The following ADGRL4 variants were observed in gnomAD, a reference collection of about 807,000 sequenced individuals.
ADGRL4 encodes the protein EGF, latrophilin and seven transmembrane domain containing 1.
Under a neutral mutation model 74.8 loss-of-function variants are expected in ADGRL4, and 90 were observed. The observed-to-expected ratio is 1.20, with a 90% CI of 1.02 to 1.43. The LOEUF (loss-of-function observed/expected upper bound fraction) is 1.43, where lower values mean the gene tolerates loss of function less well. Among genes scored for constraint, ADGRL4 ranks in the 40% most tolerant of loss-of-function variants. The pLI, the probability that ADGRL4 is intolerant of heterozygous loss-of-function variation, is 0.00. For synonymous variants in ADGRL4, 311 were observed against 279.2 expected (o/e 1.11, Z -1.14); for missense variants, 881 against 814.3 (o/e 1.08, Z -1.00).
chr1:78,917,611 A>G (rs762519995), intron 12 of ADGRL4, 23 bp downstream of exon 12: 16 of 1,463,628 alleles, frequency 1.1e-5, no homozygotes, highest in Middle Eastern at 2.4e-4. Flanking sequence ...TTGAATTGTA[A>G]TAACAATTTT....
At chr1:78,945,846 A>G in intron 3 of ADGRL4, among the ~76,000 whole-genome samples, 1 of 152,192 alleles carries the variant, frequency 6.6e-6, no homozygotes, top group East Asian at 1.9e-4. Flanking sequence ...TATTTTATAA[A>G]TGATGATTGT....
intron 12 of ADGRL4, among the ~76,000 whole-genome samples, chr1:78,893,579 G>A (rs1648333845): frequency 6.6e-6 from 1 of 151,746 alleles, no homozygotes; most frequent in African/African-American, 2.4e-5. Flanking sequence ...AATTTAGACT[G>A]GAAAAGAAAA....
chr1:78,905,256 T>C (rs1648610879), intron 12 of ADGRL4, among the ~76,000 whole-genome samples: 2 of 152,066 alleles, frequency 1.3e-5, no homozygotes, highest in East Asian at 1.9e-4. Flanking sequence ...TTCTCTGGGG[T>C]AGAATTGTAA....
In ADGRL4 at chr1:78,890,546, G is replaced by A. The variant is rs553702239; in HGVS notation, c.*608C>T. Reference sequence around the variant, plus strand: ...AAAGAAACAGATTTAGCAAACAGAAGTCTAAGTTGTTTTAGTGGACATTTA... The same window carrying A: ...AAAGAAACAGATTTAGCAAACAGAAATCTAAGTTGTTTTAGTGGACATTTA... On this transcript the variant is annotated 3_prime_UTR_variant, in exon 15 of 15. Coordinates refer to ENST00000370742, the MANE Select transcript of ADGRL4 (RefSeq NM_022159.4). The A allele has an allele frequency of 6.7e-6, 1 of 148,494 alleles. No individual in the cohort carries two copies. Among genetic ancestry groups the A allele is most frequent in the Admixed American group, 6.8e-5 (1 of 14,762 alleles). 9.2% of individuals were successfully genotyped at this position (148,494 alleles called of 1,614,324 possible).
intron 2 of ADGRL4, among the ~76,000 whole-genome samples, chr1:78,954,658 A>T (rs1315033890): frequency 6.6e-6 from 1 of 152,178 alleles, no homozygotes; most frequent in East Asian, 1.9e-4. Context: ...ATGGCACACA[A>T]TATTAAAGTA....
At chr1:78,959,372 GT>G (rs1649897542) in intron 2 of ADGRL4, among the ~76,000 whole-genome samples, 1 of 152,188 alleles carries the variant, frequency 6.6e-6, no homozygotes, top group African/African-American at 2.4e-5. Flanking sequence ...ACTGCAATCA[GT>G]TTTTTAGGCA....
intron 12 of ADGRL4, among the ~76,000 whole-genome samples, chr1:78,912,193 C>A (rs544296963): frequency 6.6e-6 from 1 of 151,616 alleles, no homozygotes; most frequent in African/African-American, 2.4e-5. Context: ...GAGTAAGATG[C>A]GGTAAATAAA....
chr1:78,975,097 A>G (rs527549449), intron 2 of ADGRL4, among the ~76,000 whole-genome samples: 1 of 152,262 alleles, frequency 6.6e-6, no homozygotes, highest in Non-Finnish European at 1.5e-5. Flanking sequence ...TATTACAATC[A>G]TAGAGAGAAA....
chr1:78,925,785 G>C (rs1306274845), intron 8 of ADGRL4, among the ~76,000 whole-genome samples: 1 of 152,054 alleles, frequency 6.6e-6, no homozygotes, highest in Non-Finnish European at 1.5e-5. Context: ...ATCAAACAAG[G>C]ATTGGTGAAG....
At chr1:78,897,940 G>A (rs553676411) in intron 12 of ADGRL4, among the ~76,000 whole-genome samples, 138 of 152,078 alleles carry the variant, frequency 9.1e-4, no homozygotes, top group African/African-American at 3.2e-3. Flanking sequence ...TTTTCTAACA[G>A]TGTCAAAGCT....
At chr1:78,939,724 A>G (rs1470033697) in intron 3 of ADGRL4, 2 of 152,744 alleles carry the variant, frequency 1.3e-5, no homozygotes, top group African/African-American at 4.8e-5. Context: ...TTGCAGGAGC[A>G]GTTATACCCA....
At position 78,901,857 on chromosome 1, in the gene ADGRL4, A is replaced by C. The variant is rs140795369; in HGVS notation, c.1750-8668T>G. On this transcript the variant is annotated intron_variant, in intron 12 of 14. Transcript: ENST00000370742. ...GTCAGGATTTAGCACACTTGGGAGT[A>C]TCTACAGAGCTAAAAGATATTTCTC... 3.1e-3 allele frequency among the ~76,000 whole-genome samples: 476 copies of C among 152,328 alleles called. 5 individuals carry two copies. Among genetic ancestry groups the C allele is most frequent in the African/African-American group, 0.011 (452 of 41,578 alleles).
In ADGRL4 at chr1:78,924,486, T is replaced by C. The variant is rs373285371; in HGVS notation, c.1083+2400A>G. Among the ~76,000 whole-genome samples, 16 of 151,734 alleles carry C rather than the reference T, an allele frequency of 1.1e-4. 1 individual carries two copies. In the East Asian group the frequency reaches 2.5e-3, roughly 24 times the overall value. On this transcript the variant is annotated intron_variant, in intron 8 of 14. Coordinates refer to ENST00000370742, the MANE Select transcript of ADGRL4 (RefSeq NM_022159.4). ...AATGCTGAATGTTATGTGAAAATGA[T>C]GGGGGAAGGGAAGGCATGCCTGGGC... is the stretch of plus-strand genomic sequence containing the variant.
intron 2 of ADGRL4, among the ~76,000 whole-genome samples, chr1:79,000,090 C>T: frequency 6.6e-6 from 1 of 152,114 alleles, no homozygotes; most frequent in South Asian, 2.1e-4. Flanking sequence ...TTTATTATTT[C>T]AGTTTCATTC....
Position 78,927,081 on chromosome 1 carries a change from T to A in ADGRL4, c.888A>T (p.Ala296=), listed in dbSNP as rs772334659. The change falls in exon 8 of 15, where the codon GCA becomes GCT. Residue 296 remains alanine (A), a synonymous_variant. Transcript: ENST00000370742. ...TACTCTTATAATATACAAATGCAAC[T>A]GCAACATTGCCTATCAATCAAATAA... ...KAAYDSNGNV[A]VAFVYYKSIG... 1 of 1,579,758 alleles carries A rather than the reference T, an allele frequency of 6.3e-7. No homozygotes were observed. The highest frequency in any genetic ancestry group is 8.7e-7 in the Non-Finnish European group (1 of 1,151,788).
intron 2 of ADGRL4, among the ~76,000 whole-genome samples, chr1:78,969,994 T>A (rs561826281): frequency 6.6e-6 from 1 of 152,236 alleles, no homozygotes; most frequent in African/African-American, 2.4e-5. Context: ...TTTCCTTTTT[T>A]GGGAAAGTAA....
intron 3 of ADGRL4, among the ~76,000 whole-genome samples, chr1:78,943,036 A>G (rs12130338): frequency 0.06 from 9,099 of 152,222 alleles, 295 homozygotes; most frequent in South Asian, 0.098. Context: ...AAACATGATC[A>G]TATGATGGTT....
At chr1:78,928,451 T>C (rs1649164415) in intron 7 of ADGRL4, among the ~76,000 whole-genome samples, 1 of 151,478 alleles carries the variant, frequency 6.6e-6, no homozygotes, top group Non-Finnish European at 1.5e-5. Flanking sequence ...TAGGGGTTCA[T>C]TCACTAATAA....
intron 2 of ADGRL4, among the ~76,000 whole-genome samples, chr1:78,966,884 A>G (rs1354936431): frequency 3.8e-5 from 4 of 104,276 alleles, no homozygotes; most frequent in Non-Finnish European, 6.1e-5. Context: ...TTTTTTTTTC[A>G]TTTAGAAGAC....
Sources: allele counts gnomAD v4.1 joint callset (sites outside exome capture counted in the v4.1 genomes callset), GRCh38; gene constraint gnomAD v4.1.1; transcripts MANE v1.5; gene names NCBI Gene and HGNC (gene_info 2026-07-23, HGNC 2026-07-21).